CERS4: variants seen among roughly 807,000 people sequenced by gnomAD.
CERS4 encodes the protein ceramide synthase 4.
Under a neutral mutation model 51.8 loss-of-function variants are expected in CERS4, and 65 were observed. That is an observed-to-expected ratio of 1.26 (90% CI 1.03 to 1.54). CERS4 has a LOEUF of 1.54. Ranked by LOEUF, CERS4 falls within the 40% of genes most tolerant of loss-of-function variation. The pLI is 0.00. For missense variants in CERS4, 563 were observed against 500.4 expected (o/e 1.13, Z -1.19); for synonymous variants, 228 against 208.4 (o/e 1.09, Z -0.81).
In CERS4 at chr19:8,257,896, C is replaced by G; in HGVS notation, c.759C>G (p.Asn253Lys). 2 of 1,613,832 alleles carry G rather than the reference C, an allele frequency of 1.2e-6. No individual in the cohort carries two copies. Among genetic ancestry groups the G allele is most frequent in the Non-Finnish European group, 1.7e-6 (2 of 1,179,888 alleles). The change falls in exon 10 of 12, where the codon AAC becomes AAG. Residue 253 changes from asparagine to lysine, a missense_variant. Coordinates refer to ENST00000251363, the MANE Select transcript of CERS4 (RefSeq NM_024552.3). Reference protein sequence around the residue: ...DYLLEACKMVNYMQYQQVCDA... With the variant: ...DYLLEACKMVKYMQYQQVCDA... ...CTTTCCAGGCCTGTAAGATGGTCAA[C>G]TACATGCAGTATCAGCAAGTGTGCG...
chr19:8,250,374 GTTA>G (rs1277833172), intron 2 of CERS4, among the ~76,000 whole-genome samples: 4 of 152,184 alleles, frequency 2.6e-5, no homozygotes, highest in African/African-American at 9.6e-5. Flanking sequence ...TTTGGGCTGT[GTTA>G]TTATTACTCT....
intron 2 of CERS4, among the ~76,000 whole-genome samples, chr19:8,214,724 C>T (rs944372009): frequency 1.3e-5 from 2 of 152,028 alleles, no homozygotes; most frequent in Admixed American, 6.6e-5. Context: ...CTGGGGTGCT[C>T]GAACCTTGAA....
At chr19:8,236,348 A>T (rs569134780) in intron 2 of CERS4, among the ~76,000 whole-genome samples, 2 of 152,180 alleles carry the variant, frequency 1.3e-5, no homozygotes, top group South Asian at 2.1e-4. Flanking sequence ...TGGAGGGGGA[A>T]CTCTGTATAT....
In CERS4 at chr19:8,255,791, GCTATTTTCACAGCTCCCTCC is replaced by G; in HGVS notation, c.411-29_411-10del. 6.2e-7 allele frequency: 1 copy of G among 1,613,422 alleles called. No homozygotes were observed. The highest frequency in any genetic ancestry group is 8.5e-7 in the Non-Finnish European group (1 of 1,179,662). Reference sequence around the variant, plus strand: ...CCGGGGTGGGGCGGGGCGGGTGTCTGCTATTTTCACAGCTCCCTCCCCATCCACAGCTGGAGGTTTCTCTT... The same window carrying G: ...CCGGGGTGGGGCGGGGCGGGTGTCTGCCATCCACAGCTGGAGGTTTCTCTT... On this transcript the variant is annotated splice_polypyrimidine_tract_variant and intron_variant, in intron 5 of 11. Coordinates refer to ENST00000251363, the MANE Select transcript of CERS4 (RefSeq NM_024552.3).
intron 9 of CERS4, 68 bp downstream of exon 9, chr19:8,257,145 A>T: frequency 1.3e-6 from 2 of 1,491,384 alleles, no homozygotes; most frequent in Non-Finnish European, 1.8e-6. Context: ...CCCAGAGATG[A>T]GGTCCCATTC....
chr19:8,262,251 C>T lies in CERS4; in HGVS notation c.*142C>T, dbSNP rs981000358. ...GTGGGTGGGAAGGCTGATGATCTGT[C>T]TCCAGCCCCTTCCTTCTGCCCACCC... On this transcript the variant is annotated 3_prime_UTR_variant, in exon 12 of 12. Transcript: ENST00000251363. The T allele has an allele frequency of 6.8e-4, 581 of 858,662 alleles. 2 individuals carry two copies. Among genetic ancestry groups the T allele is most frequent in the Admixed American group, 1.5e-4 (4 of 27,174 alleles). 53.2% of individuals were successfully genotyped at this position (858,662 alleles called of 1,614,324 possible).
intron 2 of CERS4, among the ~76,000 whole-genome samples, chr19:8,232,031 T>C (rs62126397): frequency 0.042 from 6,322 of 150,314 alleles, 139 homozygotes; most frequent in South Asian, 0.057. Flanking sequence ...GGTCTCACTA[T>C]CTTGCCAAAG....
chr19:8,238,375 A>G (rs769587466), intron 2 of CERS4, among the ~76,000 whole-genome samples: 13 of 152,126 alleles, frequency 8.5e-5, no homozygotes, highest in Non-Finnish European at 1.5e-4. Flanking sequence ...AATCTGATCC[A>G]GGACTTGAAA....
intron 2 of CERS4, among the ~76,000 whole-genome samples, chr19:8,214,106 C>G (rs558315521): frequency 6.6e-6 from 1 of 152,262 alleles, no homozygotes; most frequent in East Asian, 1.9e-4. Context: ...GCTCAGCTTT[C>G]CCTCCCTACC....
At chr19:8,255,294 G>C (rs1969316151) in intron 4 of CERS4, among the ~76,000 whole-genome samples, 1 of 152,178 alleles carries the variant, frequency 6.6e-6, no homozygotes, top group East Asian at 1.9e-4. Flanking sequence ...TTGGAGGTGA[G>C]AACTGACCGT....
Position 8,247,567 on chromosome 19 carries a change from G to A in CERS4, c.-1-3509G>A, listed in dbSNP as rs118153638. Among the ~76,000 whole-genome samples, 136 of 152,040 alleles carry A rather than the reference G, an allele frequency of 8.9e-4. 3 individuals carry two copies. The East Asian group carries it at 0.025, about 28-fold the overall frequency. On this transcript the variant is annotated intron_variant, in intron 2 of 11. Transcript: ENST00000251363. ...CCTGAATAGCTAGAACTACAGATAC[G>A]TGCCAGCACACCTGACTACTTTTTA...
intron 2 of CERS4, among the ~76,000 whole-genome samples, chr19:8,235,657 G>A (rs141689161): frequency 2.2e-3 from 339 of 151,810 alleles, no homozygotes; most frequent in Non-Finnish European, 3.6e-3. Context: ...GGATGCCGAG[G>A]TGGGAGGATT....
chr19:8,255,583 T>C, intron 4 of CERS4, 24 bp from the exon 5 acceptor site: 3 of 1,597,152 alleles, frequency 1.9e-6, no homozygotes, highest in Non-Finnish European at 2.6e-6. Context: ...TCTGTGACCC[T>C]TGTCCTCATC....
intron 10 of CERS4, among the ~76,000 whole-genome samples, chr19:8,260,533 G>GAAAA (rs33924278): frequency 4.8e-5 from 7 of 146,138 alleles, no homozygotes; most frequent in South Asian, 2.1e-4. Flanking sequence ...GAGTTCCAAG[G>GAAAA]AAAAAAAAAA....
At chr19:8,257,378 C>A (rs1267530412) in intron 9 of CERS4, among the ~76,000 whole-genome samples, 1 of 152,252 alleles carries the variant, frequency 6.6e-6, no homozygotes, top group Non-Finnish European at 1.5e-5. Context: ...AAAGCCCTGC[C>A]CCTCTCAGCT....
intron 3 of CERS4, among the ~76,000 whole-genome samples, chr19:8,252,341 G>A (rs1399417191): frequency 6.8e-6 from 1 of 146,854 alleles, no homozygotes; most frequent in African/African-American, 2.5e-5. Context: ...GTGCACTCCA[G>A]CCTGGGCAAC....
intron 2 of CERS4, among the ~76,000 whole-genome samples, chr19:8,244,996 T>C (rs897245545): frequency 1.3e-5 from 2 of 151,652 alleles, no homozygotes; most frequent in Non-Finnish European, 2.9e-5. Context: ...TACAAAAAAT[T>C]AGCCGGGCGT....
chr19:8,257,839 CCCTGGT>C, intron 9 of CERS4, 34 bp from the exon 10 acceptor site: 1 of 1,515,506 alleles, frequency 6.6e-7, no homozygotes, highest in Non-Finnish European at 9.2e-7. Context: ...GAGACCAGGG[CCCTGGT>C]CCTGAGCCCA....
At chr19:8,222,452 T>C (rs1219042924) in intron 2 of CERS4, among the ~76,000 whole-genome samples, 1 of 152,074 alleles carries the variant, frequency 6.6e-6, no homozygotes, top group African/African-American at 2.4e-5. Context: ...AGTGCTGGGA[T>C]TACAGGCGTG....
Sources: gnomAD v4.1 joint callset for allele counts (sites outside exome capture counted in the v4.1 genomes callset) on GRCh38, gnomAD v4.1.1 for gene constraint, MANE v1.5 for transcripts, NCBI Gene and HGNC (gene_info 2026-07-23, HGNC 2026-07-21) for gene names.